Variants in E2F3 observed in about 807,000 individuals in gnomAD.
The protein encoded by E2F3 is transcription factor E2F3.
Under a neutral mutation model 44.4 loss-of-function variants are expected in E2F3, and 11 were observed. The observed-to-expected ratio is 0.25, with a 90% CI of 0.16 to 0.41. The LOEUF is 0.41. Ranked by LOEUF, E2F3 falls within the 10% of genes least tolerant of loss-of-function variation. The probability of loss-of-function intolerance (pLI) is 1.00; values close to 1 mark genes in which losing one functional copy is unlikely to be tolerated. For missense variants in E2F3, 487 were observed against 583.6 expected (o/e 0.83, Z 1.70); for synonymous variants, 249 against 253.0 (o/e 0.98, Z 0.15).
intron 1 of E2F3, among the ~76,000 whole-genome samples, chr6:20,415,498 G>C (rs1196806652): frequency 6.6e-6 from 1 of 152,134 alleles, no homozygotes; most frequent in African/African-American, 2.4e-5. Flanking sequence ...GATGCCATTA[G>C]CACCACTAGT....
intron 1 of E2F3, among the ~76,000 whole-genome samples, chr6:20,456,910 C>A (rs938409312): frequency 1.1e-4 from 16 of 152,124 alleles, no homozygotes; most frequent in Admixed American, 5.9e-4. Context: ...ATGCAGAATT[C>A]TTTGAAGTTC....
At chr6:20,422,490 A>G (rs562383543) in intron 1 of E2F3, among the ~76,000 whole-genome samples, 15 of 152,310 alleles carry the variant, frequency 9.8e-5, no homozygotes, top group Admixed American at 2.0e-4. Context: ...CACATTCACA[A>G]CCTGGCTAAC....
At chr6:20,479,278 A>G (rs1463039879) in intron 1 of E2F3, among the ~76,000 whole-genome samples, 1 of 152,254 alleles carries the variant, frequency 6.6e-6, no homozygotes, top group Non-Finnish European at 1.5e-5. Context: ...TTGAAAATCT[A>G]CAGAAACCCA....
At chr6:20,479,806 C>T (rs1209175328) in intron 1 of E2F3, 40 bp from the exon 2 acceptor site, 3 of 1,554,878 alleles carry the variant, frequency 1.9e-6, no homozygotes, top group Non-Finnish European at 2.6e-6. Context: ...TGTTCTTGTC[C>T]ATATGACCGG....
rs775296478 is a variant in E2F3, at chr6:20,488,236, C to A, written c.1123C>A (p.Pro375Thr). The A allele has an allele frequency of 1.3e-6, 2 of 1,588,490 alleles. No homozygotes were observed. The highest frequency in any genetic ancestry group is 1.7e-6 in the Non-Finnish European group (2 of 1,173,410). ...NQDHNGNIPK[P>T]ASKDLASTNS... ...AGACCACAATGGGAATATCCCTAAA[C>A]CCGCTTCCAAAGGTAAAAACTCCAC... Residue 375 changes from proline to threonine, a missense_variant, in exon 6 of 7, where the codon CCC becomes ACC. By Grantham distance (38) the Pro-to-Thr change is conservative. Coordinates refer to ENST00000346618, the MANE Select transcript of E2F3 (RefSeq NM_001949.5).
In E2F3 at chr6:20,402,098, A is replaced by G; in HGVS notation, c.-135A>G. On this transcript the variant is annotated 5_prime_UTR_variant, in exon 1 of 7. Coordinates refer to ENST00000346618, the MANE Select transcript of E2F3 (RefSeq NM_001949.5). This position sits in a 1 kb window ranked among gnomAD's most constrained non-coding sequence, Gnocchi z 5.6. The stretch of plus-strand genomic sequence containing the variant: ...CGGTGCGGAAAAATAAAAAGAAAAG[A>G]GAGAGAGGGGGCTCGGAAGCGCCGG... 6 of 1,378,652 alleles carry G rather than the reference A, an allele frequency of 4.4e-6. No homozygotes were observed. Among genetic ancestry groups the G allele is most frequent in the Non-Finnish European group, 5.6e-6 (6 of 1,062,030 alleles). 85.4% of individuals were successfully genotyped at this position (1,378,652 alleles called of 1,614,324 possible).
At chr6:20,475,060 T>C (rs1424846204) in intron 1 of E2F3, among the ~76,000 whole-genome samples, 1 of 152,256 alleles carries the variant, frequency 6.6e-6, no homozygotes, top group African/African-American at 2.4e-5. Context: ...CTGCCCCTTC[T>C]TCACACCTCA....
At chr6:20,431,370 A>C (rs1314864785) in intron 1 of E2F3, among the ~76,000 whole-genome samples, 1 of 152,050 alleles carries the variant, frequency 6.6e-6, no homozygotes, top group African/African-American at 2.4e-5. Context: ...GTCTGCTCCC[A>C]CCTCGCATCC....
intron 1 of E2F3, among the ~76,000 whole-genome samples, chr6:20,449,928 A>T (rs183637125): frequency 6.6e-6 from 1 of 152,238 alleles, no homozygotes; most frequent in East Asian, 1.9e-4. Context: ...AGCTCCATCC[A>T]TGTCCCTGCA....
intron 1 of E2F3, among the ~76,000 whole-genome samples, chr6:20,426,951 CA>C (rs969483075): frequency 5.3e-5 from 8 of 152,160 alleles, no homozygotes; most frequent in African/African-American, 1.9e-4. Context: ...ATGGGTGAGA[CA>C]TTTTTTTTCT....
intron 1 of E2F3, among the ~76,000 whole-genome samples, chr6:20,429,921 A>G (rs1487404220): frequency 6.6e-6 from 1 of 151,906 alleles, no homozygotes. Context: ...AAAATGCCCT[A>G]TTTTTTTCCT....
intron 1 of E2F3, among the ~76,000 whole-genome samples, chr6:20,432,992 C>T (rs1396387399): frequency 1.3e-5 from 2 of 152,202 alleles, no homozygotes; most frequent in East Asian, 3.8e-4. Context: ...TCTGGTCTGC[C>T]AGTCACTCTT....
At chr6:20,408,968 T>G (rs1329892792) in intron 1 of E2F3, among the ~76,000 whole-genome samples, 1 of 152,200 alleles carries the variant, frequency 6.6e-6, no homozygotes, top group Non-Finnish European at 1.5e-5. Flanking sequence ...ACAAGAGTCC[T>G]CATCTGCCCA....
chr6:20,467,444 C>T (rs1027375504), intron 1 of E2F3, among the ~76,000 whole-genome samples: 2 of 152,180 alleles, frequency 1.3e-5, no homozygotes, highest in Non-Finnish European at 2.9e-5. Flanking sequence ...GTAAAGCCTC[C>T]TCAGGAAGCT....
chr6:20,411,869 C>T (rs1759685076), intron 1 of E2F3, among the ~76,000 whole-genome samples: 1 of 152,300 alleles, frequency 6.6e-6, no homozygotes, highest in South Asian at 2.1e-4. Flanking sequence ...TGACTTACTC[C>T]TCCTCCAAAC....
chr6:20,432,452 T>G (rs1023532102), intron 1 of E2F3, among the ~76,000 whole-genome samples: 11 of 152,272 alleles, frequency 7.2e-5, no homozygotes, highest in African/African-American at 2.4e-4. Flanking sequence ...CCATTAGATC[T>G]ATCAGGGGAA....
At chr6:20,484,932 G>A (rs1296026911) in intron 4 of E2F3, among the ~76,000 whole-genome samples, 1 of 146,134 alleles carries the variant, frequency 6.8e-6, no homozygotes, top group Non-Finnish European at 1.5e-5. Flanking sequence ...CAGCCTTAGT[G>A]ACAGAGTGGG....
rs1241731561 is a variant in E2F3, at chr6:20,471,130, T to G, written c.394-8716T>G. On this transcript the variant is annotated intron_variant, in intron 1 of 6. Transcript: ENST00000346618. The stretch of plus-strand genomic sequence containing the variant: ...GTGGTATGTATCCTTAGATACTTGC[T>G]TTCTATGCATATAATTTTCTTACAA... 3.9e-5 allele frequency among the ~76,000 whole-genome samples: 6 copies of G among 152,384 alleles called. No individual in the cohort carries two copies. In the East Asian group the frequency reaches 1.2e-3, roughly 29 times the overall value.
chr6:20,483,618 A>G (rs1044554867), intron 4 of E2F3, among the ~76,000 whole-genome samples: 15 of 152,216 alleles, frequency 9.9e-5, no homozygotes, highest in African/African-American at 3.6e-4. Context: ...ACTTCCTGAC[A>G]ATCTATTGAC....
Sources: allele counts gnomAD v4.1 joint callset (sites outside exome capture counted in the v4.1 genomes callset), GRCh38; gene constraint gnomAD v4.1.1; non-coding constraint Gnocchi (gnomAD v3.1); transcripts MANE v1.5; gene names NCBI Gene and HGNC (gene_info 2026-07-23, HGNC 2026-07-21).